The following NEO1 variants were observed in gnomAD, a reference collection of about 807,000 sequenced individuals.
NEO1 encodes the protein neogenin 1.
A neutral mutation model predicts 159.7 loss-of-function variants in NEO1; 63 were observed. That is an observed-to-expected ratio of 0.39 (90% confidence interval 0.32 to 0.49). The LOEUF is 0.49. Among genes scored for constraint, NEO1 ranks in the 20% least tolerant of loss-of-function variants. NEO1 has a pLI of 0.85. For missense variants in NEO1, 1,615 were observed against 1,831.0 expected (o/e 0.88, Z 2.15); for synonymous variants, 633 against 662.0 (o/e 0.96, Z 0.67).
At chr15:73,100,960 C>A (rs1232653574) in intron 1 of NEO1, among the ~76,000 whole-genome samples, 1 of 152,144 alleles carries the variant, frequency 6.6e-6, no homozygotes, top group Non-Finnish European at 1.5e-5. Flanking sequence ...GCTATTCAAG[C>A]CGTTAATGAT....
rs144153437 is a variant in NEO1 at position 73,160,386 on chromosome 15, A to AC, written c.1016-16016dup. Among the ~76,000 whole-genome samples, 1,412 of 152,252 alleles carry AC rather than the reference A, an allele frequency of 9.3e-3. 13 individuals carry two copies. Among genetic ancestry groups the AC allele is most frequent in the African/African-American group, 0.031 (1,306 of 41,530 alleles). On this transcript the variant is annotated intron_variant, in intron 5 of 28. Coordinates refer to ENST00000261908, the MANE Select transcript of NEO1 (RefSeq NM_002499.4). ...CTATTTTTCTAATAGAAACAGTACT[A>AC]CTTACTAAATACCGAGTTTATTTCA...
chr15:73,059,156 G>A (rs1274340705), intron 1 of NEO1, among the ~76,000 whole-genome samples: 1 of 152,156 alleles, frequency 6.6e-6, no homozygotes, highest in Non-Finnish European at 1.5e-5. Context: ...AGGCTTGGAA[G>A]GGATGTAGAG....
chr15:73,288,767 T>C (rs1414852848), intron 24 of NEO1, among the ~76,000 whole-genome samples: 1 of 152,178 alleles, frequency 6.6e-6, no homozygotes, highest in African/African-American at 2.4e-5. Context: ...CTTGCAGATC[T>C]TTTAGGTCTC....
intron 7 of NEO1, among the ~76,000 whole-genome samples, chr15:73,234,032 G>A (rs988835359): frequency 1.4e-4 from 21 of 152,026 alleles, no homozygotes; most frequent in African/African-American, 4.4e-4. Flanking sequence ...GGCTCTTTCC[G>A]GTATGCTCTG....
At chr15:73,190,293 A>G (rs1315714955) in intron 7 of NEO1, among the ~76,000 whole-genome samples, 1 of 152,170 alleles carries the variant, frequency 6.6e-6, no homozygotes, top group East Asian at 1.9e-4. Flanking sequence ...ATAGAAATAC[A>G]CTTTCTTTTT....
At chr15:73,101,432 T>TTCCCACTCTCTCTC (rs1555427767) in intron 1 of NEO1, among the ~76,000 whole-genome samples, 2 of 152,192 alleles carry the variant, frequency 1.3e-5, no homozygotes, top group Non-Finnish European at 2.9e-5. Flanking sequence ...CACGCTCTCT[T>TTCCCACTCTCTCTC]TCCCACTCTC....
chr15:73,108,579 T>C lies in NEO1; in HGVS notation c.131-7961T>C, dbSNP rs1412309040. 8.1e-5 allele frequency among the ~76,000 whole-genome samples: 10 copies of C among 123,244 alleles called. No homozygotes were observed. The Admixed American group carries it at 8.8e-4, about 11-fold the overall frequency. The allele number at this position is 123,244 out of a possible 152,430, so 80.9% of individuals were successfully genotyped here. A position where few individuals can be genotyped will look rare whatever the true frequency, so the allele number is the denominator to read the frequency against. On this transcript the variant is annotated intron_variant, in intron 1 of 28. Transcript: ENST00000261908. ...CAACAAACAAAAACCAAGGTGCAAATAGCCATGGCAAGACGGGTCATTTTA... is the reference window on the plus strand; with the variant it reads ...CAACAAACAAAAACCAAGGTGCAAACAGCCATGGCAAGACGGGTCATTTTA...
intron 5 of NEO1, among the ~76,000 whole-genome samples, chr15:73,144,686 C>G (rs2032732487): frequency 1.3e-5 from 2 of 152,168 alleles, no homozygotes; most frequent in South Asian, 4.1e-4. Flanking sequence ...GACCAGACCC[C>G]TTGTCAAGCT....
intron 23 of NEO1, among the ~76,000 whole-genome samples, chr15:73,285,705 C>T (rs988049860): frequency 7.2e-5 from 11 of 152,170 alleles, no homozygotes; most frequent in Admixed American, 6.6e-4. Context: ...TCTAAACCCT[C>T]GTTGGTTCTC....
chr15:73,146,182 T>A (rs2032883049), intron 5 of NEO1, among the ~76,000 whole-genome samples: 2 of 152,192 alleles, frequency 1.3e-5, no homozygotes, highest in South Asian at 2.1e-4. Flanking sequence ...ACATTTACAT[T>A]TTCCCCCCAG....
intron 1 of NEO1, among the ~76,000 whole-genome samples, chr15:73,078,451 A>C (rs1404148783): frequency 6.6e-6 from 1 of 152,130 alleles, no homozygotes; most frequent in Admixed American, 6.5e-5. Flanking sequence ...ATTCAGGAGG[A>C]GCAGTATAGG....
intron 25 of NEO1, among the ~76,000 whole-genome samples, chr15:73,292,380 C>T (rs1370984840): frequency 6.6e-6 from 1 of 152,118 alleles, no homozygotes; most frequent in Non-Finnish European, 1.5e-5. Context: ...AAAAGATTCC[C>T]AGTATTGTTA....
chr15:73,165,814 T>A (rs1163692724), intron 5 of NEO1, among the ~76,000 whole-genome samples: 5 of 152,176 alleles, frequency 3.3e-5, no homozygotes, highest in African/African-American at 9.7e-5. Context: ...GCTGAACATC[T>A]CATTTACGTA....
At chr15:73,066,611 C>G (rs1054771570) in intron 1 of NEO1, among the ~76,000 whole-genome samples, 28 of 152,044 alleles carry the variant, frequency 1.8e-4, no homozygotes, top group Non-Finnish European at 3.7e-4. Context: ...AGTCTCCTAC[C>G]ACATTACATA....
intron 7 of NEO1, among the ~76,000 whole-genome samples, chr15:73,193,092 A>G (rs1016098192): frequency 1.3e-5 from 2 of 152,106 alleles, no homozygotes; most frequent in Non-Finnish European, 2.9e-5. Flanking sequence ...GTTAGTTAAT[A>G]TAGCATTTTT....
chr15:73,293,183 A>G (rs1026848704), intron 25 of NEO1, among the ~76,000 whole-genome samples: 5 of 152,194 alleles, frequency 3.3e-5, no homozygotes, highest in Non-Finnish European at 7.3e-5. Context: ...ATATATGTAG[A>G]CATATGCAAA....
At chr15:73,096,816 A>G (rs1402299377) in intron 1 of NEO1, among the ~76,000 whole-genome samples, 1 of 152,030 alleles carries the variant, frequency 6.6e-6, no homozygotes, top group African/African-American at 2.4e-5. Flanking sequence ...TTCAAAGAGC[A>G]CTCATTTTTC....
chr15:73,263,061 C>T (rs958614463), intron 15 of NEO1, among the ~76,000 whole-genome samples: 2 of 151,780 alleles, frequency 1.3e-5, no homozygotes, highest in African/African-American at 2.4e-5. Flanking sequence ...GGGAGCTTCT[C>T]GGAGTATTGG....
At chr15:73,265,846 G>C (rs988383537) in intron 15 of NEO1, among the ~76,000 whole-genome samples, 1 of 152,168 alleles carries the variant, frequency 6.6e-6, no homozygotes, top group African/African-American at 2.4e-5. Flanking sequence ...TCTGGATTTG[G>C]AGGCCACTTG....
Sources: gnomAD v4.1 joint callset for allele counts (sites outside exome capture counted in the v4.1 genomes callset) on GRCh38, gnomAD v4.1.1 for gene constraint, MANE v1.5 for transcripts, NCBI Gene and HGNC (gene_info 2026-07-23, HGNC 2026-07-21) for gene names.